CTNNA2: variants seen among roughly 807,000 people sequenced by gnomAD.
The protein encoded by CTNNA2 is catenin alpha 2, also known as catenin alpha-2.
A neutral mutation model predicts 101.0 loss-of-function variants in CTNNA2; 42 were observed. The observed-to-expected ratio is 0.42, with a 90% CI of 0.32 to 0.54. The LOEUF (loss-of-function observed/expected upper bound fraction) is 0.54. CTNNA2 is among the 20% of genes least tolerant of loss of function. CTNNA2 has a pLI of 0.14. For missense variants in CTNNA2, 871 were observed against 1,223.1 expected (o/e 0.71, Z 4.29); for synonymous variants, 450 against 456.4 (o/e 0.99, Z 0.18).
At chr2:80,388,604 G>A (rs896809501) in intron 7 of CTNNA2, among the ~76,000 whole-genome samples, 2 of 152,330 alleles carry the variant, frequency 1.3e-5, no homozygotes. Context: ...GTCTAGAGAT[G>A]TGGCCAGGTC....
At chr2:80,489,404 T>A (rs1259615821) in intron 9 of CTNNA2, among the ~76,000 whole-genome samples, 1 of 152,146 alleles carries the variant, frequency 6.6e-6, no homozygotes, top group Non-Finnish European at 1.5e-5. Flanking sequence ...ATACTGAGAC[T>A]GAGAAAAAAA....
At chr2:79,641,755 G>A (rs957655076) in intron 1 of CTNNA2, among the ~76,000 whole-genome samples, 2 of 152,164 alleles carry the variant, frequency 1.3e-5, no homozygotes, top group Admixed American at 6.5e-5. Flanking sequence ...TGATAAGACT[G>A]TGAATGCAGT....
At chr2:79,815,753 G>T (rs896359320) in intron 3 of CTNNA2, among the ~76,000 whole-genome samples, 1 of 150,550 alleles carries the variant, frequency 6.6e-6, no homozygotes, top group African/African-American at 2.5e-5. Flanking sequence ...GCTCTTTTTG[G>T]TTCCATATGA....
chr2:79,768,865 T>C lies in CTNNA2; in HGVS notation c.298+24283T>C, dbSNP rs138137059. ...TTGTGTGACTGTTTTGTTTTGCTTA[T>C]GTTTTTTGAGACTGAGTCTCACTCT... On this transcript the variant is annotated intron_variant, in intron 3 of 18. Coordinates refer to ENST00000402739, the MANE Select transcript of CTNNA2 (RefSeq NM_001282597.3). Among the ~76,000 whole-genome samples the C allele has an allele frequency of 6.4e-3, 981 of 152,230 alleles. 8 individuals are homozygous for C. Among genetic ancestry groups the C allele is most frequent in the African/African-American group, 0.022 (921 of 41,552 alleles).
chr2:80,334,886 G>T (rs371654425), intron 7 of CTNNA2, among the ~76,000 whole-genome samples: 1 of 152,232 alleles, frequency 6.6e-6, no homozygotes, highest in African/African-American at 2.4e-5. Context: ...AGATCAGCAC[G>T]TGAGAATATC....
At chr2:79,704,074 C>T (rs534418940) in intron 2 of CTNNA2, among the ~76,000 whole-genome samples, 1 of 152,148 alleles carries the variant, frequency 6.6e-6, no homozygotes, top group African/African-American at 2.4e-5. Context: ...CATACAGGTA[C>T]ATACATGGAG....
intron 4 of CTNNA2, among the ~76,000 whole-genome samples, chr2:79,465,795 G>T (rs1446077436): frequency 6.6e-6 from 1 of 151,812 alleles, no homozygotes; most frequent in African/African-American, 2.4e-5. Flanking sequence ...TTTGTTATTT[G>T]GTATAAGAAT....
intron 7 of CTNNA2, among the ~76,000 whole-genome samples, chr2:79,930,242 CAAAGAAAGAAAGAAAGAAAG>C (rs141730925): frequency 3.6e-5 from 3 of 82,548 alleles, no homozygotes; most frequent in African/African-American, 1.3e-4. Context: ...GACTCTGTCT[CAAAGAAAGAAAGAAAGAAAG>C]AAAGAAAGAA....
intron 4 of CTNNA2, among the ~76,000 whole-genome samples, chr2:79,376,549 T>C (rs1399420376): frequency 1.3e-5 from 2 of 152,154 alleles, no homozygotes; most frequent in African/African-American, 4.8e-5. Context: ...GTTTGTTACG[T>C]ATGTATACAT....
At chr2:79,719,845 C>T (rs1191884047) in intron 2 of CTNNA2, among the ~76,000 whole-genome samples, 1 of 152,082 alleles carries the variant, frequency 6.6e-6, no homozygotes, top group Non-Finnish European at 1.5e-5. Context: ...TATTAGCTGC[C>T]TGTTTACTCT....
At chr2:79,423,876 G>T (rs958173539) in intron 4 of CTNNA2, among the ~76,000 whole-genome samples, 1 of 151,946 alleles carries the variant, frequency 6.6e-6, no homozygotes, top group African/African-American at 2.4e-5. Context: ...CTTTATTATT[G>T]TTCTTCAGAA....
chr2:79,900,010 C>G (rs1162611821), intron 6 of CTNNA2, among the ~76,000 whole-genome samples: 3 of 152,100 alleles, frequency 2.0e-5, no homozygotes, highest in Non-Finnish European at 4.4e-5. Flanking sequence ...GTGTTTAAAA[C>G]CAAACAAATA....
chr2:80,595,092 A>G (rs1696839116), intron 15 of CTNNA2, among the ~76,000 whole-genome samples: 1 of 152,120 alleles, frequency 6.6e-6, no homozygotes, highest in Non-Finnish European at 1.5e-5. Flanking sequence ...CTCTTTCAGT[A>G]GTATTGACAT....
chr2:79,524,746 C>T (rs1044296711), intron 1 of CTNNA2: 4 of 151,914 alleles, frequency 2.6e-5, no homozygotes, highest in Admixed American at 1.3e-4. Context: ...AAATTATTCT[C>T]AATATCTGTC....
At chr2:80,126,268 A>T (rs185180265) in intron 7 of CTNNA2, among the ~76,000 whole-genome samples, 154 of 152,224 alleles carry the variant, frequency 1.0e-3, no homozygotes, top group African/African-American at 3.6e-3. Context: ...CAAGTGTTAG[A>T]TTGGGTGGAT....
At chr2:80,310,683 G>T (rs776732888) in intron 7 of CTNNA2, among the ~76,000 whole-genome samples, 2 of 152,102 alleles carry the variant, frequency 1.3e-5, no homozygotes, top group Non-Finnish European at 2.9e-5. Flanking sequence ...TGCTACTATG[G>T]CATGTGTGTA....
At chr2:79,835,686 T>TGTTTGTTTGTTTG (rs1558565809) in intron 3 of CTNNA2, among the ~76,000 whole-genome samples, 7 of 134,836 alleles carry the variant, frequency 5.2e-5, no homozygotes, top group African/African-American at 1.9e-4. Flanking sequence ...TTTTTTTTTT[T>TGTTTGTTTGTTTG]TTTTTTTTTT....
chr2:80,410,427 T>A (rs1679464575), intron 8 of CTNNA2, among the ~76,000 whole-genome samples: 1 of 152,240 alleles, frequency 6.6e-6, no homozygotes, highest in Non-Finnish European at 1.5e-5. Flanking sequence ...GCTGAGCTAA[T>A]ACCTTTAAAT....
intron 6 of CTNNA2, among the ~76,000 whole-genome samples, chr2:79,895,993 T>C (rs1422115526): frequency 6.6e-6 from 1 of 152,030 alleles, no homozygotes; most frequent in Non-Finnish European, 1.5e-5. Context: ...CCATTGAAAG[T>C]AGAATTAGGC....
Sources: allele counts gnomAD v4.1 joint callset (sites outside exome capture counted in the v4.1 genomes callset), GRCh38; gene constraint gnomAD v4.1.1; transcripts MANE v1.5; gene names NCBI Gene and HGNC (gene_info 2026-07-23, HGNC 2026-07-21).